The following NDRG3 variants were observed in gnomAD, a reference collection of about 807,000 sequenced individuals.
The protein encoded by NDRG3 is protein NDRG3.
In NDRG3, 23 loss-of-function variants were observed where a neutral mutation model predicts 57.2. That is an observed-to-expected ratio of 0.40 (90% CI 0.29 to 0.57). The LOEUF is 0.57. Ranked by LOEUF, NDRG3 falls within the 20% of genes least tolerant of loss-of-function variation. NDRG3 has a pLI of 0.42. For missense variants in NDRG3, 384 were observed against 457.3 expected, an observed-to-expected ratio of 0.84 and a Z score of 1.46; for synonymous variants, 132 against 162.6, an observed-to-expected ratio of 0.81 and a Z score of 1.43.
At chr20:36,694,299 A>G (rs1453341262) in intron 3 of NDRG3, among the ~76,000 whole-genome samples, 1 of 152,214 alleles carries the variant, frequency 6.6e-6, no homozygotes, top group Non-Finnish European at 1.5e-5. Flanking sequence ...TTTTCTAAAA[A>G]TGTTTCTATA....
intron 2 of NDRG3, among the ~76,000 whole-genome samples, chr20:36,718,765 C>T (rs142240583): frequency 6.6e-6 from 1 of 152,238 alleles, no homozygotes; most frequent in East Asian, 1.9e-4. Flanking sequence ...ACTGCAGCCT[C>T]AACCTCCCAG....
At chr20:36,721,433 G>C (rs755063089) in intron 2 of NDRG3, among the ~76,000 whole-genome samples, 9 of 151,856 alleles carry the variant, frequency 5.9e-5, no homozygotes, top group Non-Finnish European at 1.3e-4. Flanking sequence ...GGAGGCTGAG[G>C]CAAGAGAATT....
intron 2 of NDRG3, among the ~76,000 whole-genome samples, chr20:36,717,882 T>C (rs1194297586): frequency 2.0e-5 from 3 of 152,208 alleles, no homozygotes; most frequent in Non-Finnish European, 4.4e-5. Context: ...TAGCATCTAG[T>C]GGGTAGAGGC....
At chr20:36,707,051 T>C (rs775670372) in intron 2 of NDRG3, 44 bp from the exon 3 acceptor site, 2 of 1,578,598 alleles carry the variant, frequency 1.3e-6, no homozygotes, top group Non-Finnish European at 1.7e-6. Flanking sequence ...CCCCACATGG[T>C]TTCCCCACAT....
chr20:36,720,773 CTT>C (rs373924170), intron 2 of NDRG3, among the ~76,000 whole-genome samples: 26 of 140,820 alleles, frequency 1.8e-4, no homozygotes, highest in East Asian at 2.1e-4. Flanking sequence ...TTTTTCTTTT[CTT>C]TTTTTTTTTT....
chr20:36,675,059 ATTTTTT>A (rs34154196), intron 8 of NDRG3, among the ~76,000 whole-genome samples: 2 of 101,208 alleles, frequency 2.0e-5, no homozygotes, highest in Admixed American at 1.1e-4. Context: ...CACAACTGGC[ATTTTTT>A]TTTTTTTTTT....
At chr20:36,721,020 C>T (rs1253463522) in intron 2 of NDRG3, among the ~76,000 whole-genome samples, 2 of 151,252 alleles carry the variant, frequency 1.3e-5, no homozygotes, top group South Asian at 2.1e-4. Context: ...AAGTGATCCA[C>T]CTGCCTTGGC....
At chr20:36,704,221 C>T (rs962206436) in intron 3 of NDRG3, among the ~76,000 whole-genome samples, 10 of 152,160 alleles carry the variant, frequency 6.6e-5, no homozygotes, top group East Asian at 5.8e-4. Flanking sequence ...GGATTACAGA[C>T]GCAAACCACC....
intron 15 of NDRG3, among the ~76,000 whole-genome samples, chr20:36,655,385 G>A (rs1978565984): frequency 6.6e-6 from 1 of 152,240 alleles, no homozygotes; most frequent in Non-Finnish European, 1.5e-5. Flanking sequence ...TCTGTACCTG[G>A]GTGAAAGAGT....
At chr20:36,722,298 C>CTGAG (rs1391062267) in intron 1 of NDRG3, among the ~76,000 whole-genome samples, 1 of 152,148 alleles carries the variant, frequency 6.6e-6, no homozygotes, top group Non-Finnish European at 1.5e-5. Context: ...CCTTCCCCAG[C>CTGAG]TGAGTGTCAG....
At chr20:36,659,460 G>C (rs1978965426) in intron 13 of NDRG3, among the ~76,000 whole-genome samples, 2 of 151,950 alleles carry the variant, frequency 1.3e-5, no homozygotes, top group South Asian at 4.1e-4. Context: ...AAAATGTATA[G>C]GAAAAAGACA....
At chr20:36,671,848 G>T (rs1240046410) in intron 8 of NDRG3, among the ~76,000 whole-genome samples, 2 of 150,734 alleles carry the variant, frequency 1.3e-5, no homozygotes, top group South Asian at 4.2e-4. Flanking sequence ...TACATTTCAT[G>T]AGATGGTGGT....
chr20:36,700,516 C>A (rs752908407), intron 3 of NDRG3: 5 of 530,262 alleles, frequency 9.4e-6, no homozygotes, highest in Admixed American at 7.8e-5. Context: ...GATGAATGTG[C>A]AGAGACCCTG....
At chr20:36,714,714 C>T (rs564151384) in intron 2 of NDRG3, among the ~76,000 whole-genome samples, 9 of 150,880 alleles carry the variant, frequency 6.0e-5, no homozygotes, top group South Asian at 2.1e-4. Context: ...CCCAGGTTCA[C>T]GCCATTCTCC....
At chr20:36,716,824 G>T (rs931361699) in intron 2 of NDRG3, among the ~76,000 whole-genome samples, 1 of 152,092 alleles carries the variant, frequency 6.6e-6, no homozygotes, top group African/African-American at 2.4e-5. Flanking sequence ...GGAACAACCA[G>T]GTACAAGAGG....
intron 3 of NDRG3, among the ~76,000 whole-genome samples, chr20:36,693,177 CAT>C (rs1254753875): frequency 9.7e-4 from 102 of 105,244 alleles, no homozygotes; most frequent in Non-Finnish European, 1.3e-3. Context: ...TATATACACA[CAT>C]ATATATATAC....
At chr20:36,678,319 CA>C (rs1980938406) in intron 8 of NDRG3, among the ~76,000 whole-genome samples, 2 of 152,270 alleles carry the variant, frequency 1.3e-5, no homozygotes, top group South Asian at 4.2e-4. Flanking sequence ...AAGAGTTGAA[CA>C]AACACTTCAC....
chr20:36,653,552 C>G lies in NDRG3; in HGVS notation c.1096G>C (p.Asp366His), dbSNP rs759339163. 3 of 1,614,148 alleles carry G rather than the reference C, an allele frequency of 1.9e-6. No individual in the cohort carries two copies. Among genetic ancestry groups the G allele is most frequent in the Non-Finnish European group, 1.7e-6 (2 of 1,180,006 alleles). The change falls in exon 16 of 16, where the codon GAC (aspartate) becomes CAC (histidine). Residue 366 changes from aspartate to histidine, a missense_variant. Physicochemically the swap from Asp to His is moderately conservative, Grantham distance 81 (BLOSUM62 -1). Transcript: ENST00000349004. This position sits in a 1 kb window ranked among gnomAD's most constrained non-coding sequence, Gnocchi z 4.2. ...QESCESPDVL[D>H]RHQTMEVSC ...GACACCTCCATGGTCTGGTGTCTGT[C>G]CAGGACATCAGGGGACTCACAGGAT...
At chr20:36,677,969 A>G (rs901014444) in intron 8 of NDRG3, among the ~76,000 whole-genome samples, 2 of 152,140 alleles carry the variant, frequency 1.3e-5, no homozygotes, top group Admixed American at 1.3e-4. Flanking sequence ...TCCTCTCCCA[A>G]CAGAATCACC....
Sources: allele counts gnomAD v4.1 joint callset (sites outside exome capture counted in the v4.1 genomes callset), GRCh38; gene constraint gnomAD v4.1.1; non-coding constraint Gnocchi (gnomAD v3.1); transcripts MANE v1.5; gene names NCBI Gene and HGNC (gene_info 2026-07-23, HGNC 2026-07-21).